ATP8A1: variants seen among roughly 807,000 people sequenced by gnomAD.
ATP8A1 encodes the protein ATPase phospholipid transporting 8A1.
ATP8A1 carries 90 observed loss-of-function variants against 177.7 expected under a neutral mutation model. That is an observed-to-expected ratio of 0.51 (90% CI 0.43 to 0.60). The LOEUF (loss-of-function observed/expected upper bound fraction) is 0.60. ATP8A1 is among the 20% of genes least tolerant of loss of function. The probability of loss-of-function intolerance (pLI) is 0.00; values close to 1 mark genes in which losing one functional copy is unlikely to be tolerated. For missense variants in ATP8A1, 1,072 were observed against 1,392.8 expected (o/e 0.77, Z 3.67); for synonymous variants, 493 against 485.9 (o/e 1.01, Z -0.19).
At chr4:42,558,009 G>C (rs1302992599) in intron 15 of ATP8A1, among the ~76,000 whole-genome samples, 1 of 151,982 alleles carries the variant, frequency 6.6e-6, no homozygotes, top group African/African-American at 2.4e-5. Flanking sequence ...TCCAGCCTGG[G>C]TAACAGAGCA....
intron 6 of ATP8A1, among the ~76,000 whole-genome samples, chr4:42,591,937 T>C (rs889267750): frequency 7.2e-5 from 11 of 152,180 alleles, no homozygotes; most frequent in African/African-American, 2.7e-4. Flanking sequence ...TAGTGGACAG[T>C]GTGAAGATAG....
chr4:42,439,287 G>A (rs759426636), intron 33 of ATP8A1, among the ~76,000 whole-genome samples: 3 of 152,208 alleles, frequency 2.0e-5, no homozygotes, highest in Non-Finnish European at 2.9e-5. Context: ...TGCTGCTTAA[G>A]TATCACAGTG....
chr4:42,558,126 C>G (rs2153214090), intron 15 of ATP8A1, among the ~76,000 whole-genome samples: 1 of 152,268 alleles, frequency 6.6e-6, no homozygotes, highest in Non-Finnish European at 1.5e-5. Context: ...GGTTGGATAA[C>G]TCTGGCATGG....
At chr4:42,650,125 C>T (rs1740939740) in intron 1 of ATP8A1, among the ~76,000 whole-genome samples, 1 of 152,204 alleles carries the variant, frequency 6.6e-6, no homozygotes, top group South Asian at 2.1e-4. Flanking sequence ...AACATTCCCA[C>T]AGCTGTAACA....
At chr4:42,454,208 T>C (rs886521771) in intron 29 of ATP8A1, among the ~76,000 whole-genome samples, 2 of 152,208 alleles carry the variant, frequency 1.3e-5, no homozygotes, top group Non-Finnish European at 2.9e-5. Flanking sequence ...TTCGTGAAGA[T>C]CACGTCTCAG....
intron 17 of ATP8A1, 57 bp downstream of exon 17, chr4:42,552,448 T>G (rs1449714436): frequency 7.2e-7 from 1 of 1,394,698 alleles, no homozygotes; most frequent in Non-Finnish European, 9.9e-7. Flanking sequence ...TTAAATTGAC[T>G]TTTACATTCA....
chr4:42,629,629 T>C (rs1414949900), intron 1 of ATP8A1, among the ~76,000 whole-genome samples: 1 of 152,202 alleles, frequency 6.6e-6, no homozygotes, highest in East Asian at 1.9e-4. Context: ...CACCTTCTGT[T>C]ATGTATCCAA....
intron 6 of ATP8A1, among the ~76,000 whole-genome samples, chr4:42,598,043 T>G (rs548105206): frequency 1.3e-5 from 2 of 152,286 alleles, no homozygotes; most frequent in East Asian, 3.9e-4. Context: ...CCTGCCTACT[T>G]ATTTGTGGCA....
At chr4:42,432,691 G>A (rs1715445422) in intron 33 of ATP8A1, among the ~76,000 whole-genome samples, 1 of 152,180 alleles carries the variant, frequency 6.6e-6, no homozygotes, top group African/African-American at 2.4e-5. Context: ...CAAATTCTAA[G>A]TTCATATGAA....
intron 35 of ATP8A1, among the ~76,000 whole-genome samples, chr4:42,419,678 T>C (rs1402309833): frequency 2.0e-5 from 3 of 152,164 alleles, no homozygotes; most frequent in Non-Finnish European, 4.4e-5. Flanking sequence ...AGAATCACAA[T>C]TTCTTCCCTT....
At chr4:42,469,050 G>A (rs1720114456) in intron 25 of ATP8A1, among the ~76,000 whole-genome samples, 1 of 152,060 alleles carries the variant, frequency 6.6e-6, no homozygotes, top group South Asian at 2.1e-4. Context: ...TCTCACTCAG[G>A]CATAGTCAAT....
intron 30 of ATP8A1, among the ~76,000 whole-genome samples, chr4:42,449,722 G>A (rs541213562): frequency 6.6e-6 from 1 of 152,260 alleles, no homozygotes; most frequent in East Asian, 1.9e-4. Flanking sequence ...CCCTAGTCTT[G>A]GCTAGTTTTG....
chr4:42,657,011 T>TAGGGCAGAGCC lies in ATP8A1; in HGVS notation c.-139_-138insGGCTCTGCCCT. The TAGGGCAGAGCC allele has an allele frequency of 1.1e-6, 1 of 906,450 alleles. No individual in the cohort carries two copies. Among genetic ancestry groups the TAGGGCAGAGCC allele is most frequent in the Non-Finnish European group, 1.5e-6 (1 of 688,498 alleles). The allele number at this position is 906,450 out of a possible 1,614,324, so 56.2% of individuals were successfully genotyped here. On this transcript the variant is annotated 5_prime_UTR_variant, in exon 1 of 37. Coordinates refer to ENST00000381668, the MANE Select transcript of ATP8A1 (RefSeq NM_006095.2). ...CGCCGCCGCCCACCTAGGGCAGAGCTGCCGCCGGGCGCGGCCCCCGCACGC... is the reference window on the plus strand; with the variant it reads ...CGCCGCCGCCCACCTAGGGCAGAGCTAGGGCAGAGCCGCCGCCGGGCGCGGCCCCCGCACGC...
chr4:42,408,588 C>G lies in ATP8A1; in HGVS notation c.*4328G>C, dbSNP rs1273296521. The G allele has an allele frequency of 1.3e-5, 2 of 152,194 alleles. No homozygotes were observed. Among genetic ancestry groups the G allele is most frequent in the East Asian group, 1.9e-4 (1 of 5,198 alleles). The allele number at this position is 152,194 out of a possible 1,614,324, so 9.4% of individuals were successfully genotyped here. On this transcript the variant is annotated 3_prime_UTR_variant, in exon 37 of 37. Transcript: ENST00000381668. Reference sequence around the variant, plus strand: ...AACTACTATAACCACAGATTCAATACTCTCCACTCATGCAGCTTCACAATT... The same window carrying G: ...AACTACTATAACCACAGATTCAATAGTCTCCACTCATGCAGCTTCACAATT...
At chr4:42,429,194 G>A (rs149523384) in intron 33 of ATP8A1, among the ~76,000 whole-genome samples, 64 of 152,238 alleles carry the variant, frequency 4.2e-4, no homozygotes, top group African/African-American at 1.4e-3. Flanking sequence ...AGATAATTAC[G>A]TATTTTGGGG....
At chr4:42,466,214 T>C (rs983545019) in intron 25 of ATP8A1, among the ~76,000 whole-genome samples, 7 of 152,150 alleles carry the variant, frequency 4.6e-5, no homozygotes, top group African/African-American at 1.4e-4. Context: ...AAGAAACAAC[T>C]TATGTACACA....
At chr4:42,630,526 T>C (rs755650718) in intron 1 of ATP8A1, among the ~76,000 whole-genome samples, 8 of 152,048 alleles carry the variant, frequency 5.3e-5, no homozygotes, top group Non-Finnish European at 1.2e-4. Flanking sequence ...GAAGCCTTCT[T>C]TGTCTGTAAA....
At chr4:42,591,072 A>G (rs922070385) in intron 6 of ATP8A1, among the ~76,000 whole-genome samples, 188 bp from the exon 7 acceptor site, 1 of 152,172 alleles carries the variant, frequency 6.6e-6, no homozygotes, top group Non-Finnish European at 1.5e-5. Context: ...GCATAAGAAA[A>G]CATTTAATAT....
rs1712594350 is a variant in ATP8A1 at position 42,411,459 on chromosome 4, A to G, written c.*1457T>C. On this transcript the variant is annotated 3_prime_UTR_variant, in exon 37 of 37. Coordinates refer to ENST00000381668, the MANE Select transcript of ATP8A1 (RefSeq NM_006095.2). ...CAAGCAGGCTTTTGAGTAAAAGGCA[A>G]ATAGTTTGCTTCAATCTCTGAAGTG... is the stretch of plus-strand genomic sequence containing the variant. The G allele has an allele frequency of 6.6e-6, 1 of 152,202 alleles. No individual in the cohort carries two copies. The highest frequency in any genetic ancestry group is 1.5e-5 in the Non-Finnish European group (1 of 68,030). 9.4% of individuals were successfully genotyped at this position (152,202 alleles called of 1,614,324 possible).
Sources: gnomAD v4.1 joint callset for allele counts (sites outside exome capture counted in the v4.1 genomes callset) on GRCh38, gnomAD v4.1.1 for gene constraint, MANE v1.5 for transcripts, NCBI Gene and HGNC (gene_info 2026-07-23, HGNC 2026-07-21) for gene names.